KDM6A: variants seen among roughly 807,000 people sequenced by gnomAD.
KDM6A encodes lysine-specific demethylase 6A.
In KDM6A, 11 loss-of-function variants were observed where a neutral mutation model predicts 117.6. The ratio of observed to expected loss-of-function variants is 0.09; its 90% CI spans 0.06 to 0.15. KDM6A has a LOEUF of 0.15. Ranked by LOEUF, KDM6A falls within the 10% of genes least tolerant of loss-of-function variation. The pLI, the probability that KDM6A is intolerant of heterozygous loss-of-function variation, is 1.00. For missense variants in KDM6A, 799 were observed against 1,077.3 expected (o/e 0.74, Z 3.62); for synonymous variants, 384 against 396.1 (o/e 0.97, Z 0.36).
chrX:44,900,389 ATTAT>A (rs776187349), intron 2 of KDM6A, among the ~76,000 whole-genome samples: 46 of 112,112 alleles, frequency 4.1e-4, no homozygotes, highest in Non-Finnish European at 7.9e-4. Flanking sequence ...GGGAATAATT[ATTAT>A]TTCAGCAATG....
chrX:44,898,742 A>G (rs1049348095), intron 2 of KDM6A, among the ~76,000 whole-genome samples: 2 of 111,184 alleles, frequency 1.8e-5, no homozygotes, highest in Admixed American at 9.6e-5. Context: ...CACTAACCCA[A>G]CAGGGGAACT....
rs748381885 is a variant in KDM6A, at chrX:45,041,432, C to G, written c.654+3743C>G. 6.2e-3 allele frequency among the ~76,000 whole-genome samples: 559 copies of G among 90,840 alleles called. 8 individuals are homozygous for G. Among genetic ancestry groups the G allele is most frequent in the African/African-American group, 0.028 (522 of 18,845 alleles). The allele number at this position is 90,840 out of a possible 115,157, so 78.9% of individuals were successfully genotyped here. ...GGGCAGCTGGCCGGGCGGGGACTGACCCCCCCCCACCTCCCTCCCGGACGG... is the reference window on the plus strand; with the variant it reads ...GGGCAGCTGGCCGGGCGGGGACTGAGCCCCCCCCACCTCCCTCCCGGACGG... On this transcript the variant is annotated intron_variant, in intron 8 of 29. Transcript: ENST00000611820.
chrX:45,060,050 G>T lies in KDM6A; in HGVS notation c.1223G>T (p.Ser408Ile). The change falls in exon 13 of 30, where the codon AGT becomes ATT. Residue 408 changes from serine to isoleucine, a missense_variant. Around this residue, in one of 8 missense-constraint regions of KDM6A, gnomAD observed 36 missense variants for 44.4 expected, o/e 0.81. Coordinates refer to ENST00000611820, the MANE Select transcript of KDM6A (RefSeq NM_001291415.2). ...QAQLCNLPQG[S>I]LQNKTKLLPS... The stretch of plus-strand genomic sequence containing the variant: ...CAGTTGTGTAACCTTCCACAAGGTA[G>T]TCTACAGAATAAAACTAAATTACTT... The T allele has an allele frequency of 8.3e-7, 1 of 1,208,924 alleles. No individual in the cohort carries two copies. The highest frequency in any genetic ancestry group is 1.1e-6 in the Non-Finnish European group (1 of 893,965).
At chrX:45,090,048 A>T in intron 26 of KDM6A, 118 bp downstream of exon 26, 1 of 540,317 alleles carries the variant, frequency 1.9e-6, no homozygotes. Flanking sequence ...GACTCCTTGC[A>T]TAGAATTGTA....
chrX:44,900,978 A>ATATATTTGTG (rs1334102086), intron 2 of KDM6A, among the ~76,000 whole-genome samples: 5 of 112,807 alleles, frequency 4.4e-5, no homozygotes, highest in African/African-American at 9.7e-5. Flanking sequence ...TGGAGTGTTT[A>ATATATTTGTG]AAGTTTTTCA....
intron 2 of KDM6A, among the ~76,000 whole-genome samples, chrX:44,922,807 T>C (rs1245413430): frequency 1.8e-5 from 2 of 112,993 alleles, no homozygotes; most frequent in South Asian, 3.6e-4. Context: ...TTTGAATGTT[T>C]TAAAATGTAT....
At chrX:44,988,685 G>T (rs1434241915) in intron 4 of KDM6A, among the ~76,000 whole-genome samples, 1 of 111,409 alleles carries the variant, frequency 9.0e-6, no homozygotes, top group Non-Finnish European at 1.9e-5. Flanking sequence ...TCCAGACCCT[G>T]TTTGCCTGGG....
chrX:44,891,721 C>T (rs1253318613), intron 2 of KDM6A, among the ~76,000 whole-genome samples: 2 of 111,906 alleles, frequency 1.8e-5, no homozygotes, highest in African/African-American at 3.3e-5. Flanking sequence ...TAACCTGACG[C>T]GTCCACCCTA....
At chrX:44,950,141 G>A (rs758936247) in intron 2 of KDM6A, among the ~76,000 whole-genome samples, 60 of 109,836 alleles carry the variant, frequency 5.5e-4, no homozygotes, top group Admixed American at 4.9e-3. Context: ...CTCTGCCTTC[G>A]AGTAGCTGGG....
At chrX:44,977,288 C>G (rs1005772620) in intron 4 of KDM6A, among the ~76,000 whole-genome samples, 10 of 111,155 alleles carry the variant, frequency 9.0e-5, no homozygotes, top group Non-Finnish European at 1.7e-4. Flanking sequence ...AGGTCTTGCT[C>G]TCTTGCACAG....
intron 2 of KDM6A, among the ~76,000 whole-genome samples, chrX:44,883,900 C>G (rs951766152): frequency 9.1e-6 from 1 of 109,302 alleles, no homozygotes; most frequent in Admixed American, 9.9e-5. Context: ...GTCGGGAGTT[C>G]GAGACCAGCC....
chrX:44,899,868 G>A (rs927371814), intron 2 of KDM6A, among the ~76,000 whole-genome samples: 4 of 111,392 alleles, frequency 3.6e-5, no homozygotes, highest in African/African-American at 6.5e-5. Flanking sequence ...ATATTATGTC[G>A]TGAACAAAAT....
At chrX:45,035,386 T>G (rs1441352572) in intron 7 of KDM6A, among the ~76,000 whole-genome samples, 1 of 112,026 alleles carries the variant, frequency 8.9e-6, no homozygotes, top group Admixed American at 9.4e-5. Flanking sequence ...TTGGTAATTA[T>G]GAAGACATTT....
intron 10 of KDM6A, among the ~76,000 whole-genome samples, 157 bp downstream of exon 10, chrX:45,054,112 T>TA (rs1243474097): frequency 8.9e-6 from 1 of 112,489 alleles, no homozygotes; most frequent in Non-Finnish European, 1.9e-5. Flanking sequence ...AACAACAAGA[T>TA]AAAGTTTCCA....
chrX:45,104,185 T>G (rs1374714586), intron 27 of KDM6A, among the ~76,000 whole-genome samples: 2 of 111,484 alleles, frequency 1.8e-5, no homozygotes, highest in African/African-American at 6.5e-5. Context: ...CCACCACACC[T>G]GGCTAATTTT....
At position 44,873,547 on chromosome X, in the gene KDM6A, T is replaced by C; in HGVS notation, c.-5T>C. ...GCGTTGGAGTTGTGAATTCGCTGCG[T>C]TTCCATGAAATCCTGCGGAGTGTCG... On this transcript the variant is annotated 5_prime_UTR_variant, in exon 1 of 30. Coordinates refer to ENST00000611820, the MANE Select transcript of KDM6A (RefSeq NM_001291415.2). 1 of 1,206,332 alleles carries C rather than the reference T, an allele frequency of 8.3e-7. No individual in the cohort carries two copies. The highest frequency in any genetic ancestry group is 1.1e-6 in the Non-Finnish European group (1 of 894,003).
At chrX:44,973,779 G>C (rs1333389296) in intron 3 of KDM6A, among the ~76,000 whole-genome samples, 7 of 110,447 alleles carry the variant, frequency 6.3e-5, no homozygotes, top group Admixed American at 2.9e-4. Flanking sequence ...TTTATTTTTT[G>C]AGAGATTTCT....
At chrX:44,924,201 G>T (rs2146912664) in intron 2 of KDM6A, among the ~76,000 whole-genome samples, 1 of 111,623 alleles carries the variant, frequency 9.0e-6, no homozygotes, top group East Asian at 2.8e-4. Flanking sequence ...ATTTTCTATT[G>T]GTTGATTTTT....
intron 29 of KDM6A, 148 bp downstream of exon 29, chrX:45,110,397 C>A: frequency 2.0e-6 from 1 of 495,633 alleles, no homozygotes. Flanking sequence ...TCATATCATT[C>A]CCCCCTCCAT....
Sources: allele counts gnomAD v4.1 joint callset (sites outside exome capture counted in the v4.1 genomes callset), GRCh38; gene constraint gnomAD v4.1.1; regional missense constraint gnomAD v4.1.1; transcripts MANE v1.5; gene names NCBI Gene and HGNC (gene_info 2026-07-23, HGNC 2026-07-21).